The following WDR7 variants were observed in gnomAD, a reference collection of about 807,000 sequenced individuals.
WDR7 encodes WD repeat domain 7, also known as WD repeat-containing protein 7.
Under a neutral mutation model 169.4 loss-of-function variants are expected in WDR7, and 46 were observed. The ratio of observed to expected loss-of-function variants is 0.27; its 90% CI spans 0.21 to 0.35. The LOEUF is 0.35. Ranked by LOEUF, WDR7 falls within the 10% of genes least tolerant of loss-of-function variation. The pLI is 1.00. For synonymous variants in WDR7, 612 were observed against 666.8 expected (o/e 0.92, Z 1.27); for missense variants, 1,534 against 1,859.3 (o/e 0.83, Z 3.22).
chr18:56,947,519 C>G (rs1275344198), intron 25 of WDR7, among the ~76,000 whole-genome samples: 1 of 152,194 alleles, frequency 6.6e-6, no homozygotes, highest in Admixed American at 6.5e-5. Flanking sequence ...GGATAAACAT[C>G]ACTGAAATTT....
intron 22 of WDR7, among the ~76,000 whole-genome samples, chr18:56,930,338 G>A (rs562218308): frequency 6.6e-6 from 1 of 152,192 alleles, no homozygotes; most frequent in Non-Finnish European, 1.5e-5. Context: ...AGTGGAGACA[G>A]AAACACATCA....
intron 20 of WDR7, 21 bp downstream of exon 20, chr18:56,816,165 C>A: frequency 6.3e-7 from 1 of 1,582,142 alleles, no homozygotes; most frequent in Non-Finnish European, 8.6e-7. Context: ...ACATCTTTAA[C>A]GTCTGATTGG....
intron 21 of WDR7, among the ~76,000 whole-genome samples, chr18:56,908,422 G>A (rs1001848398): frequency 1.6e-4 from 24 of 152,144 alleles, no homozygotes; most frequent in African/African-American, 5.8e-4. Flanking sequence ...CCAGTTTATA[G>A]TTGCTGGGAT....
intron 20 of WDR7, among the ~76,000 whole-genome samples, chr18:56,826,639 C>T (rs1270299738): frequency 6.6e-6 from 1 of 152,140 alleles, no homozygotes; most frequent in African/African-American, 2.4e-5. Context: ...GAGGAGTCCT[C>T]ACTCATAGGT....
intron 26 of WDR7, among the ~76,000 whole-genome samples, chr18:57,001,995 C>A (rs951380482): frequency 6.6e-6 from 1 of 152,114 alleles, no homozygotes; most frequent in African/African-American, 2.4e-5. Context: ...AGCAAAAATA[C>A]CCATGATTAG....
At chr18:56,799,290 CTTTTAAT>C (rs1488040820) in intron 19 of WDR7, among the ~76,000 whole-genome samples, 1 of 152,048 alleles carries the variant, frequency 6.6e-6, no homozygotes, top group Non-Finnish European at 1.5e-5. Flanking sequence ...TACTGTATAA[CTTTTAAT>C]TTTTATCTAA....
chr18:56,678,987 T>A (rs959821514), intron 2 of WDR7, among the ~76,000 whole-genome samples: 2 of 152,246 alleles, frequency 1.3e-5, no homozygotes, highest in Non-Finnish European at 2.9e-5. Flanking sequence ...AGCACCCCTG[T>A]GTCCACCTTC....
intron 26 of WDR7, among the ~76,000 whole-genome samples, chr18:57,017,085 C>G (rs550796098): frequency 1.3e-5 from 2 of 152,366 alleles, no homozygotes; most frequent in South Asian, 4.1e-4. Context: ...TCTGTGCGAT[C>G]CGCACAGCTG....
At chr18:56,980,959 A>G (rs1309590326) in intron 26 of WDR7, among the ~76,000 whole-genome samples, 2 of 152,342 alleles carry the variant, frequency 1.3e-5, no homozygotes, top group South Asian at 4.1e-4. Flanking sequence ...AAGTTACATT[A>G]TCTGATCTAC....
intron 26 of WDR7, among the ~76,000 whole-genome samples, chr18:56,985,928 T>C (rs1402446001): frequency 1.3e-5 from 2 of 152,144 alleles, no homozygotes; most frequent in Non-Finnish European, 1.5e-5. Flanking sequence ...AAAGGCAATA[T>C]AGCTCAAAAA....
At chr18:56,816,172 T>A in intron 20 of WDR7, 28 bp downstream of exon 20, 1 of 1,571,668 alleles carries the variant, frequency 6.4e-7, no homozygotes, top group Non-Finnish European at 8.6e-7. Flanking sequence ...TAACGTCTGA[T>A]TGGAGCTTTG....
intron 19 of WDR7, among the ~76,000 whole-genome samples, chr18:56,809,529 A>C (rs1380406274): frequency 1.3e-5 from 2 of 152,134 alleles, no homozygotes; most frequent in African/African-American, 4.8e-5. Flanking sequence ...ATTAATTGAC[A>C]ATATTTATAA....
chr18:56,931,586 A>G (rs544637370), intron 22 of WDR7, among the ~76,000 whole-genome samples: 2 of 152,330 alleles, frequency 1.3e-5, no homozygotes, highest in East Asian at 3.9e-4. Context: ...ATTGTCAGGC[A>G]TGTTTCAAAT....
chr18:56,740,272 A>G (rs1026480135), intron 14 of WDR7, among the ~76,000 whole-genome samples: 2 of 152,054 alleles, frequency 1.3e-5, no homozygotes, highest in African/African-American at 4.8e-5. Flanking sequence ...GATTTCAGTT[A>G]TCTGCTGAAA....
intron 14 of WDR7, among the ~76,000 whole-genome samples, chr18:56,744,709 C>T (rs552454555): frequency 6.6e-6 from 1 of 152,220 alleles, no homozygotes; most frequent in African/African-American, 2.4e-5. Flanking sequence ...CTGGCTCCTA[C>T]ACGAGGATTT....
intron 20 of WDR7, among the ~76,000 whole-genome samples, chr18:56,835,373 G>T (rs1481219867): frequency 6.6e-6 from 1 of 151,890 alleles, no homozygotes; most frequent in Non-Finnish European, 1.5e-5. Context: ...GACAGTGTAG[G>T]TCTATAATTT....
intron 14 of WDR7, among the ~76,000 whole-genome samples, chr18:56,741,051 T>G (rs191741822): frequency 1.3e-5 from 2 of 152,300 alleles, no homozygotes; most frequent in Admixed American, 1.3e-4. Context: ...TCATGTCCCA[T>G]AGAACATTCC....
At chr18:56,758,781 G>A (rs2043937321) in intron 15 of WDR7, 84 bp from the exon 16 acceptor site, 9 of 992,018 alleles carry the variant, frequency 9.1e-6, no homozygotes, top group Non-Finnish European at 1.3e-5. Context: ...GATTCGTTTA[G>A]AAGTAGAAAA....
intron 26 of WDR7, among the ~76,000 whole-genome samples, chr18:56,987,930 T>A (rs903670362): frequency 6.6e-6 from 1 of 152,262 alleles, no homozygotes; most frequent in Non-Finnish European, 1.5e-5. Context: ...TTTTACATAC[T>A]GTGTGAAAAC....
Sources: allele counts gnomAD v4.1 joint callset (sites outside exome capture counted in the v4.1 genomes callset), GRCh38; gene constraint gnomAD v4.1.1; transcripts MANE v1.5; gene names NCBI Gene and HGNC (gene_info 2026-07-23, HGNC 2026-07-21).